The following HMGN2 variants were observed in gnomAD, a reference collection of about 807,000 sequenced individuals.
HMGN2 encodes the protein non-histone chromosomal protein HMG-17.
Under a neutral mutation model 16.9 loss-of-function variants are expected in HMGN2, and 2 were observed. That is an observed-to-expected ratio of 0.12 (90% CI 0.05 to 0.37). The LOEUF is 0.37. HMGN2 is among the 10% of genes least tolerant of loss of function. The pLI is 1.00. For missense variants in HMGN2, 90 were observed against 106.0 expected (o/e 0.85, Z 0.66); for synonymous variants, 31 against 34.9 (o/e 0.89, Z 0.39).
Position 26,473,702 on chromosome 1 carries a change from G to C in HMGN2, c.61-1G>C. ...TCTAACTTTCTCGTTGTCTTTAATA[G>C]CCACAGAGAAGATCCGCGAGGTTGT... On this transcript the variant is annotated splice_acceptor_variant, in intron 2 of 5. Coordinates refer to ENST00000361427, the MANE Select transcript of HMGN2 (RefSeq NM_005517.4). LOFTEE classifies it high-confidence loss of function. 1 of 1,613,964 alleles carries C rather than the reference G, an allele frequency of 6.2e-7. No homozygotes were observed. Among genetic ancestry groups the C allele is most frequent in the Non-Finnish European group, 8.5e-7 (1 of 1,179,940 alleles).
At chr1:26,474,765 C>T (rs776147977) in intron 5 of HMGN2, 98 bp downstream of exon 5, 112 of 698,148 alleles carry the variant, frequency 1.6e-4, no homozygotes, top group African/African-American at 3.3e-4. Flanking sequence ...TCCAAATGTA[C>T]CATTTGGTCC....
intron 4 of HMGN2, 41 bp downstream of exon 4, chr1:26,474,176 G>C (rs904127077): frequency 4.1e-6 from 6 of 1,473,918 alleles, no homozygotes; most frequent in Middle Eastern, 4.6e-4. Flanking sequence ...CACAGAATGA[G>C]GACTGTCCTT....
At chr1:26,473,117 A>C in intron 1 of HMGN2, 1 of 249,296 alleles carries the variant, frequency 4.0e-6, no homozygotes. Context: ...GTCGCCGCCC[A>C]CGAGTTCCCC....
At chr1:26,475,053 A>AT (rs1414637411) in intron 5 of HMGN2, 60 bp from the exon 6 acceptor site, 25 of 1,363,168 alleles carry the variant, frequency 1.8e-5, no homozygotes, top group Non-Finnish European at 2.5e-5. Flanking sequence ...TGTAGGTGGA[A>AT]TGTGAACACA....
In HMGN2 at chr1:26,472,514, T is replaced by C. The variant is rs975182216; in HGVS notation, c.-99T>C. On this transcript the variant is annotated 5_prime_UTR_variant, in exon 1 of 6. Transcript: ENST00000361427. ...TAAACCCCCCGGAGCCCGAGCAGTG[T>C]GAAGAAGAGGCGAGAACGACCCCCG... 7.2e-6 allele frequency: 10 copies of C among 1,394,944 alleles called. No homozygotes were observed. Among genetic ancestry groups the C allele is most frequent in the Non-Finnish European group, 9.8e-6 (10 of 1,021,944 alleles). The allele number at this position is 1,394,944 out of a possible 1,614,324, so 86.4% of individuals were successfully genotyped here.
rs1557461512 is a variant in HMGN2 at position 26,474,105 on chromosome 1, A to G, written c.111A>G (p.Pro37=). The change falls in exon 4 of 6, where the codon CCA becomes CCG. Residue 37 remains proline, a synonymous_variant. Coordinates refer to ENST00000361427, the MANE Select transcript of HMGN2 (RefSeq NM_005517.4). The part of the protein sequence containing the change: ...RLSAKPAPPK[P]EPKPKKAPAK... ...AAAAGAAACCTGCTCCTCCAAAGCC[A>G]GAGCCCAAGCCTAAAAAGGCCCCTG... 1 of 1,611,544 alleles carries G rather than the reference A, an allele frequency of 6.2e-7. No individual in the cohort carries two copies. The highest frequency in any genetic ancestry group is 8.5e-7 in the Non-Finnish European group (1 of 1,179,342).
intron 1 of HMGN2, 146 bp downstream of exon 1, chr1:26,472,773 C>T: frequency 2.8e-6 from 2 of 715,692 alleles, no homozygotes; most frequent in African/African-American, 1.9e-5. Context: ...TCGGGCAGCT[C>T]GGGGCTAACC....
At chr1:26,473,255 T>C (rs2075587442) in intron 1 of HMGN2, 1 of 554,046 alleles carries the variant, frequency 1.8e-6, no homozygotes, top group South Asian at 2.2e-5. Flanking sequence ...TGGTGCGGGC[T>C]CCGCTGCCCT....
chr1:26,475,083 C>T lies in HMGN2; in HGVS notation c.238-30C>T, dbSNP rs771019023. ...AACACAGATAGTTTTGAAATCTACG[C>T]ATTGCATTAATTTGTCTGTTTTCTT... On this transcript the variant is annotated intron_variant, in intron 5 of 5. Transcript: ENST00000361427. 2.4e-5 allele frequency: 38 copies of T among 1,587,550 alleles called. No homozygotes were observed. The South Asian group carries it at 4.2e-4, about 18-fold the overall frequency.
intron 3 of HMGN2, 48 bp from the exon 4 acceptor site, chr1:26,474,037 G>A: frequency 6.6e-7 from 1 of 1,510,290 alleles, no homozygotes; most frequent in Non-Finnish European, 9.1e-7. Flanking sequence ...GTTTTCTTCA[G>A]TCCATTGTAC....
intron 1 of HMGN2, chr1:26,473,092 C>A (rs1260463115): frequency 7.8e-6 from 2 of 254,960 alleles, no homozygotes; most frequent in African/African-American, 2.3e-5. Flanking sequence ...GTTCCCCGCG[C>A]ACGAGACGCG....
At chr1:26,473,405 A>G in intron 1 of HMGN2, 78 bp from the exon 2 acceptor site, 1 of 1,051,156 alleles carries the variant, frequency 9.5e-7, no homozygotes, top group East Asian at 2.4e-5. Flanking sequence ...TTTAATTTTC[A>G]TTTTTAGCAC....
Position 26,474,607 on chromosome 1 carries a change from A to C in HMGN2, c.177A>C (p.Lys59Asn). The change falls in exon 5 of 6, where the codon AAA becomes AAC. Residue 59 changes from lysine to asparagine, a missense_variant. Lys to Asn is a moderately conservative substitution (Grantham distance 94). Transcript: ENST00000361427. ...GEKVPKGKKG[K>N]ADAGKEGNNP... ...AGGTACCCAAAGGGAAAAAGGGAAA[A>C]GCTGATGCTGGCAAGGAGGGGAATA... 1.3e-6 allele frequency: 2 copies of C among 1,595,778 alleles called. No individual in the cohort carries two copies. The highest frequency in any genetic ancestry group is 1.7e-6 in the Non-Finnish European group (2 of 1,164,416).
At position 26,474,102 on chromosome 1, in the gene HMGN2, G is replaced by T; in HGVS notation, c.108G>T (p.Lys36Asn). 1 of 1,611,546 alleles carries T rather than the reference G, an allele frequency of 6.2e-7. No individual in the cohort carries two copies. Among genetic ancestry groups the T allele is most frequent in the Non-Finnish European group, 8.5e-7 (1 of 1,179,336 alleles). Reference sequence around the variant, plus strand: ...AAAAAAAGAAACCTGCTCCTCCAAAGCCAGAGCCCAAGCCTAAAAAGGCCC... The same window carrying T: ...AAAAAAAGAAACCTGCTCCTCCAAATCCAGAGCCCAAGCCTAAAAAGGCCC... ...ARLSAKPAPPKPEPKPKKAPA... is the reference protein window; with the variant it reads ...ARLSAKPAPPNPEPKPKKAPA... The change falls in exon 4 of 6, where the codon AAG (lysine) becomes AAT (asparagine). Residue 36 changes from lysine (K) to asparagine (N), a missense_variant. Lys to Asn is a moderately conservative substitution (Grantham distance 94). Transcript: ENST00000361427.
At chr1:26,475,029 G>GAGCA in intron 5 of HMGN2, 84 bp from the exon 6 acceptor site, 1 of 1,147,284 alleles carries the variant, frequency 8.7e-7, no homozygotes, top group Non-Finnish European at 1.3e-6. Context: ...TTTGGCCTGG[G>GAGCA]AGCAAAGTGA....
Position 26,472,647 on chromosome 1 carries a change from C to T in HMGN2, c.15+20C>T. ...AGAAAGGTACGTGGCGCGAGGGCCC[C>T]AGGCGCCGGGCCACCACTGCCGCCA... On this transcript the variant is annotated intron_variant, in intron 1 of 5. Coordinates refer to ENST00000361427, the MANE Select transcript of HMGN2 (RefSeq NM_005517.4). The T allele has an allele frequency of 6.5e-7, 1 of 1,528,676 alleles. No homozygotes were observed. Among genetic ancestry groups the T allele is most frequent in the Non-Finnish European group, 8.7e-7 (1 of 1,143,942 alleles). The allele number at this position is 1,528,676 out of a possible 1,614,324, so 94.7% of individuals were successfully genotyped here.
intron 1 of HMGN2, among the ~76,000 whole-genome samples, chr1:26,472,964 A>T (rs1360606956): frequency 2.0e-5 from 3 of 150,714 alleles, no homozygotes; most frequent in African/African-American, 7.3e-5. Flanking sequence ...GGCAATTCAA[A>T]CCCGAAAGGG....
chr1:26,474,992 C>T (rs976875321), intron 5 of HMGN2, 121 bp from the exon 6 acceptor site: 13 of 784,050 alleles, frequency 1.7e-5, no homozygotes, highest in Non-Finnish European at 2.6e-5. Context: ...AGAAGAAATA[C>T]TGAGTCTCAG....
rs894830679 is a variant in HMGN2 at position 26,472,589 on chromosome 1, C to T, written c.-24C>T. 5.9e-6 allele frequency: 9 copies of T among 1,535,830 alleles called. No individual in the cohort carries two copies. Among genetic ancestry groups the T allele is most frequent in the Non-Finnish European group, 7.8e-6 (9 of 1,148,168 alleles). On this transcript the variant is annotated 5_prime_UTR_variant, in exon 1 of 6. Coordinates refer to ENST00000361427, the MANE Select transcript of HMGN2 (RefSeq NM_005517.4). ...TGCATCCCGCGTCCAGCACCTACGT[C>T]CCGCTGCCGTCGCCGCCGCCACCAT...
Sources: gnomAD v4.1 joint callset for allele counts (sites outside exome capture counted in the v4.1 genomes callset) on GRCh38, gnomAD v4.1.1 for gene constraint, MANE v1.5 for transcripts, NCBI Gene and HGNC (gene_info 2026-07-23, HGNC 2026-07-21) for gene names.